NFATC2IP: variants seen among roughly 807,000 people sequenced by gnomAD.
The protein encoded by NFATC2IP is NFATC2-interacting protein.
A neutral mutation model predicts 40.2 loss-of-function variants in NFATC2IP; 25 were observed. That is an observed-to-expected ratio of 0.62 (90% CI 0.45 to 0.87). The LOEUF is 0.87. Ranked by LOEUF, NFATC2IP falls within the 40% of genes least tolerant of loss-of-function variation. The pLI is 0.00. For missense variants in NFATC2IP, 553 were observed against 555.6 expected (o/e 1.00, Z 0.05); for synonymous variants, 241 against 236.3 (o/e 1.02, Z -0.18).
intron 2 of NFATC2IP, 162 bp downstream of exon 2, chr16:28,952,366 C>T (rs1964976789): frequency 3.6e-6 from 4 of 1,121,130 alleles, no homozygotes; most frequent in African/African-American, 1.6e-5. Flanking sequence ...TGTTAACAAG[C>T]ATAGAATGTA....
rs774300770 is a variant in NFATC2IP, at chr16:28,963,817, C to T, written c.1214C>T (p.Ala405Val). 10 of 1,614,108 alleles carry T rather than the reference C, an allele frequency of 6.2e-6. No individual in the cohort carries two copies. In the South Asian group the frequency reaches 1.1e-4, roughly 18 times the overall value. ...GTKLSGRELPADLGMESGDLI... is the reference protein window; with the variant it reads ...GTKLSGRELPVDLGMESGDLI... ...AAGCTTTCAGGCAGGGAGCTGCCAG[C>T]TGACCTGGGCATGGAATCTGGGGAC... The change falls in exon 8 of 8, where the codon GCT (alanine) becomes GTT (valine). Residue 405 changes from alanine to valine, a missense_variant. Physicochemically the swap from Ala to Val is moderately conservative, Grantham distance 64. Transcript: ENST00000320805.
At chr16:28,954,287 G>A (rs1234406675) in intron 2 of NFATC2IP, among the ~76,000 whole-genome samples, 3 of 151,878 alleles carry the variant, frequency 2.0e-5, no homozygotes, top group Non-Finnish European at 2.9e-5. Context: ...TATTGACAGC[G>A]GGCAAATAGA....
intron 7 of NFATC2IP, among the ~76,000 whole-genome samples, chr16:28,959,426 C>T (rs904745760): frequency 6.6e-6 from 1 of 152,148 alleles, no homozygotes; most frequent in African/African-American, 2.4e-5. Context: ...GTGCTAGTCC[C>T]CGTGCTGAGG....
Position 28,956,243 on chromosome 16 carries a change from T to C in NFATC2IP, c.752T>C (p.Val251Ala). The C allele has an allele frequency of 2.5e-6, 4 of 1,613,898 alleles. No individual in the cohort carries two copies. Among genetic ancestry groups the C allele is most frequent in the Non-Finnish European group, 3.4e-6 (4 of 1,179,916 alleles). ...QEQQGQEDEV[V>A]LVEGPTLPET... ...CAACAGGGCCAAGAGGATGAAGTGG[T>C]CTTGGTGGAAGGGCCCACCCTCCCA... Residue 251 changes from valine (V) to alanine (A), a missense_variant, in exon 5 of 8, where the codon GTC becomes GCC. Val to Ala is a moderately conservative substitution (Grantham distance 64). Transcript: ENST00000320805.
chr16:28,960,078 T>C (rs1197420467), intron 7 of NFATC2IP, among the ~76,000 whole-genome samples: 1 of 152,174 alleles, frequency 6.6e-6, no homozygotes, highest in African/African-American at 2.4e-5. Flanking sequence ...CTTGCAGCTG[T>C]GTCACTCCAG....
intron 5 of NFATC2IP, among the ~76,000 whole-genome samples, chr16:28,957,295 AGTGTTGGGATTACAGGCAT>A (rs1280438900): frequency 6.6e-6 from 1 of 151,574 alleles, no homozygotes; most frequent in Non-Finnish European, 1.5e-5. Context: ...AGCTTCCCAA[AGTGTTGGGATTACAGGCAT>A]GAGCCACCGT....
chr16:28,963,911 C>G lies in NFATC2IP; in HGVS notation c.*48C>G. ...CCCAGCCTGGACTTGGGGAGAATGACTTTCCCTTTTTTGCCCCATAAGGGC... is the reference window on the plus strand; with the variant it reads ...CCCAGCCTGGACTTGGGGAGAATGAGTTTCCCTTTTTTGCCCCATAAGGGC... On this transcript the variant is annotated 3_prime_UTR_variant, in exon 8 of 8. Coordinates refer to ENST00000320805, the MANE Select transcript of NFATC2IP (RefSeq NM_032815.4). 1.9e-6 allele frequency: 3 copies of G among 1,588,772 alleles called. No individual in the cohort carries two copies. In the South Asian group the frequency reaches 3.3e-5, roughly 18 times the overall value.
intron 3 of NFATC2IP, among the ~76,000 whole-genome samples, chr16:28,955,424 C>T (rs547452311): frequency 2.0e-5 from 3 of 152,106 alleles, no homozygotes; most frequent in South Asian, 2.1e-4. Flanking sequence ...TGCCGTCTGT[C>T]GGATATTATT....
At chr16:28,953,116 C>G (rs1344115122) in intron 2 of NFATC2IP, among the ~76,000 whole-genome samples, 1 of 151,964 alleles carries the variant, frequency 6.6e-6, no homozygotes, top group Admixed American at 6.6e-5. Context: ...ACTCTGTCAC[C>G]CAGGGTGGAG....
Position 28,953,929 on chromosome 16 carries a change from AAG to A in NFATC2IP, c.461-634_461-633del, listed in dbSNP as rs1408647998. On this transcript the variant is annotated intron_variant, in intron 2 of 7. Transcript: ENST00000320805. ...TAGGACCTGGTCTCAAAAAAAAAAA[AAG>A]AAAAACGAAATGCAGAATCATAGGC... 6.5e-3 allele frequency among the ~76,000 whole-genome samples: 565 copies of A among 87,222 alleles called. 9 individuals carry two copies. Among genetic ancestry groups the A allele is most frequent in the Middle Eastern group, 0.025 (3 of 122 alleles). 57.2% of individuals were successfully genotyped at this position (87,222 alleles called of 152,430 possible). A position where few individuals can be genotyped will look rare whatever the true frequency, so the allele number is the denominator to read the frequency against.
At chr16:28,952,081 C>A in intron 1 of NFATC2IP, 51 bp from the exon 2 acceptor site, 1 of 1,604,642 alleles carries the variant, frequency 6.2e-7, no homozygotes, top group Non-Finnish European at 8.5e-7. Flanking sequence ...TTTTTTCTTT[C>A]GGTAGGGGAA....
chr16:28,955,011 G>A (rs1235393624), intron 3 of NFATC2IP, among the ~76,000 whole-genome samples: 3 of 151,968 alleles, frequency 2.0e-5, no homozygotes. Context: ...GGGAAACATA[G>A]AGAGACCCTG....
intron 2 of NFATC2IP, among the ~76,000 whole-genome samples, chr16:28,952,814 C>T (rs1261385374): frequency 6.6e-6 from 1 of 151,530 alleles, no homozygotes; most frequent in Non-Finnish European, 1.5e-5. Flanking sequence ...ACGATCTCGG[C>T]TCGCTGCAAC....
rs768565720 is a variant in NFATC2IP at position 28,954,633 on chromosome 16, A to T, written c.529A>T (p.Thr177Ser). The change falls in exon 3 of 8, where the codon ACA becomes TCA. Residue 177 changes from threonine (T) to serine (S), a missense_variant. By Grantham distance (58) the Thr-to-Ser change is moderately conservative. Transcript: ENST00000320805. Reference sequence around the variant, plus strand: ...CCCATCACCAGGCTCTCCCTGGAAGACAAAGCTGAGGACTAAGGATAAAGA... The same window carrying T: ...CCCATCACCAGGCTCTCCCTGGAAGTCAAAGCTGAGGACTAAGGATAAAGA... Reference protein sequence around the residue: ...GSPSPGSPWKTKLRTKDKEEK... With the variant: ...GSPSPGSPWKSKLRTKDKEEK... 1 of 1,614,052 alleles carries T rather than the reference A, an allele frequency of 6.2e-7. No homozygotes were observed. The highest frequency in any genetic ancestry group is 1.7e-5 in the Admixed American group (1 of 60,022).
chr16:28,961,325 GAAAAAAAAAAAAA>G (rs138576594), intron 7 of NFATC2IP, among the ~76,000 whole-genome samples: 6 of 52,210 alleles, frequency 1.1e-4, no homozygotes, highest in East Asian at 6.4e-4. Context: ...GACCCTATCT[GAAAAAAAAAAAAA>G]AAAAAAAAAA....
chr16:28,954,628 G>C lies in NFATC2IP; in HGVS notation c.524G>C (p.Trp175Ser). 6.2e-7 allele frequency: 1 copy of C among 1,613,988 alleles called. No homozygotes were observed. Among genetic ancestry groups the C allele is most frequent in the Non-Finnish European group, 8.5e-7 (1 of 1,179,940 alleles). The change falls in exon 3 of 8, where the codon TGG (tryptophan) becomes TCG (serine). Residue 175 changes from tryptophan to serine, a missense_variant. Transcript: ENST00000320805. ...GGCTCCCCATCACCAGGCTCTCCCT[G>C]GAAGACAAAGCTGAGGACTAAGGAT... Reference protein sequence around the residue: ...HEGSPSPGSPWKTKLRTKDKE... With the variant: ...HEGSPSPGSPSKTKLRTKDKE...
In NFATC2IP at chr16:28,951,233, GC is replaced by G. The variant is rs1234427343; in HGVS notation, c.227del (p.Pro76ArgfsTer69). 3.3e-6 allele frequency: 5 copies of G among 1,513,846 alleles called. No homozygotes were observed. Among genetic ancestry groups the G allele is most frequent in the Non-Finnish European group, 4.4e-6 (5 of 1,126,402 alleles). 93.8% of individuals were successfully genotyped at this position (1,513,846 alleles called of 1,614,324 possible). On this transcript the variant is annotated frameshift_variant, in exon 1 of 8. Transcript: ENST00000320805. ...GTGCCGCGGACGAGGTTGAGGTGGA[GC>G]CCCCGGAGCCCCCGGGGCCGGTCGC... ...RGAADEVEVE[P>X]PEPPGPVASR...
At chr16:28,957,060 G>T (rs1204344596) in intron 5 of NFATC2IP, 1 of 151,780 alleles carries the variant, frequency 6.6e-6, no homozygotes, top group Non-Finnish European at 1.5e-5. Context: ...TTGAGACGGG[G>T]TCTCACTCTG....
intron 7 of NFATC2IP, among the ~76,000 whole-genome samples, chr16:28,961,910 AAAAAAAAAAAAAAG>A (rs1965092085): frequency 6.7e-6 from 1 of 149,942 alleles, no homozygotes; most frequent in Non-Finnish European, 1.5e-5. Context: ...AAAAAAAAAA[AAAAAAAAAAAAAAG>A]ACAGGGTCTT....
Sources: allele counts gnomAD v4.1 joint callset (sites outside exome capture counted in the v4.1 genomes callset), GRCh38; gene constraint gnomAD v4.1.1; transcripts MANE v1.5; gene names NCBI Gene and HGNC (gene_info 2026-07-23, HGNC 2026-07-21).